The following MACROD1 variants were observed in gnomAD, a reference collection of about 807,000 sequenced individuals.
The protein encoded by MACROD1 is ADP-ribose glycohydrolase MACROD1.
In MACROD1, 31 loss-of-function variants were observed where a neutral mutation model predicts 41.4. The ratio of observed to expected loss-of-function variants is 0.75; its 90% CI spans 0.56 to 1.01. The LOEUF is 1.01. MACROD1 is among the 50% of genes least tolerant of loss of function. The probability of loss-of-function intolerance (pLI) is 0.00; values close to 1 mark genes in which losing one functional copy is unlikely to be tolerated. For synonymous variants in MACROD1, 252 were observed against 203.4 expected, an observed-to-expected ratio of 1.24 and a Z score of -2.03; for missense variants, 473 against 460.0, an observed-to-expected ratio of 1.03 and a Z score of -0.26.
intron 4 of MACROD1, among the ~76,000 whole-genome samples, chr11:64,004,915 T>C (rs1220574616): frequency 6.6e-6 from 1 of 151,774 alleles, no homozygotes; most frequent in Non-Finnish European, 1.5e-5. Context: ...TGGGGAGCAC[T>C]GAGATATGCT....
At chr11:64,007,101 G>A (rs1346255390) in intron 4 of MACROD1, among the ~76,000 whole-genome samples, 1 of 152,134 alleles carries the variant, frequency 6.6e-6, no homozygotes, top group African/African-American at 2.4e-5. Flanking sequence ...ACTCTCTGGG[G>A]CTCCCTGCAG....
chr11:64,001,148 C>A, intron 4 of MACROD1: 1 of 450,360 alleles, frequency 2.2e-6, no homozygotes. Flanking sequence ...ATGGAGGAAA[C>A]GCTCCAGCAG....
Position 64,028,670 on chromosome 11 carries a change from T to C in MACROD1, c.518-13389A>G, listed in dbSNP as rs1392342878. ...GCGCCCCGCCCCCTGCCGCTGGCGC[T>C]GGCCCTCTTCCCCTCCCCCTCCTCC... On this transcript the variant is annotated intron_variant, in intron 3 of 10. Coordinates refer to ENST00000255681, the MANE Select transcript of MACROD1 (RefSeq NM_014067.4). 5.4e-5 allele frequency among the ~76,000 whole-genome samples: 8 copies of C among 149,172 alleles called. No individual in the cohort carries two copies. The East Asian group carries it at 1.4e-3, about 26-fold the overall frequency.
intron 3 of MACROD1, among the ~76,000 whole-genome samples, chr11:64,131,905 G>A (rs1257826873): frequency 6.6e-6 from 1 of 152,186 alleles, no homozygotes; most frequent in African/African-American, 2.4e-5. Flanking sequence ...GAGGAGGGGG[G>A]CAGGGGGAAC....
intron 3 of MACROD1, among the ~76,000 whole-genome samples, chr11:64,057,306 C>A (rs1943805382): frequency 6.6e-6 from 1 of 152,228 alleles, no homozygotes; most frequent in African/African-American, 2.4e-5. Flanking sequence ...TCCCTCTGCT[C>A]AGGCCGCAGG....
intron 3 of MACROD1, among the ~76,000 whole-genome samples, chr11:64,076,504 G>A (rs1318131892): frequency 6.6e-6 from 1 of 152,200 alleles, no homozygotes; most frequent in Non-Finnish European, 1.5e-5. Context: ...TGTCTCATCT[G>A]TGCCGGGCCC....
chr11:64,083,903 G>A (rs1021790811), intron 3 of MACROD1, among the ~76,000 whole-genome samples: 4 of 152,236 alleles, frequency 2.6e-5, no homozygotes, highest in Non-Finnish European at 4.4e-5. Context: ...GCAGGCGGGC[G>A]TGCGGCCGGC....
At chr11:64,127,969 A>C (rs1188544386) in intron 3 of MACROD1, among the ~76,000 whole-genome samples, 1 of 152,184 alleles carries the variant, frequency 6.6e-6, no homozygotes, top group Non-Finnish European at 1.5e-5. Flanking sequence ...ACAAGAACTC[A>C]TTACTTCTGC....
At chr11:64,004,174 C>T (rs1942871697) in intron 4 of MACROD1, among the ~76,000 whole-genome samples, 1 of 152,198 alleles carries the variant, frequency 6.6e-6, no homozygotes, top group African/African-American at 2.4e-5. Flanking sequence ...CAGCATTCAG[C>T]CCAGCATCTG....
chr11:64,154,417 C>A (rs1422479046), intron 1 of MACROD1, among the ~76,000 whole-genome samples: 3 of 152,178 alleles, frequency 2.0e-5, no homozygotes, highest in Non-Finnish European at 4.4e-5. Context: ...CAGGACTGAG[C>A]CTTCCTCATG....
intron 3 of MACROD1, among the ~76,000 whole-genome samples, chr11:64,111,638 G>A (rs1193304347): frequency 6.6e-6 from 1 of 152,182 alleles, no homozygotes; most frequent in East Asian, 1.9e-4. Context: ...GGCAACCTCT[G>A]CACCCTTGCC....
intron 3 of MACROD1, among the ~76,000 whole-genome samples, chr11:64,059,760 C>T (rs948419165): frequency 1.3e-5 from 2 of 152,216 alleles, no homozygotes; most frequent in South Asian, 4.1e-4. Context: ...CCTCTGAGTC[C>T]GGGTCTATTC....
rs1293276831 is a variant in MACROD1 at position 64,146,096 on chromosome 11, G to A, written c.517+5143C>T. Among the ~76,000 whole-genome samples the A allele has an allele frequency of 2.0e-5, 3 of 152,176 alleles. No homozygotes were observed. Among genetic ancestry groups the A allele is most frequent in the African/African-American group, 4.8e-5 (2 of 41,452 alleles). On this transcript the variant is annotated intron_variant, in intron 3 of 10. Transcript: ENST00000255681. This position sits in a 1 kb window ranked among gnomAD's most constrained non-coding sequence, Gnocchi z 4.7. The stretch of plus-strand genomic sequence containing the variant: ...AGAATGGGGATCTTTCTTTGTGCCC[G>A]GACATGTCCTGCCCAGGACTCTGCT...
At chr11:64,142,945 G>A (rs11604083) in intron 3 of MACROD1, among the ~76,000 whole-genome samples, 16,805 of 151,980 alleles carry the variant, frequency 0.11, 1,171 homozygotes, top group Non-Finnish European at 0.16. Flanking sequence ...GCGAGACCTC[G>A]TCTCTACAAA....
At chr11:64,058,064 C>G (rs1025372774) in intron 3 of MACROD1, among the ~76,000 whole-genome samples, 8 of 152,264 alleles carry the variant, frequency 5.3e-5, no homozygotes, top group African/African-American at 1.7e-4. Context: ...CGACACTGGG[C>G]TGCGCTAGGA....
chr11:64,004,000 G>A (rs1590790422), intron 4 of MACROD1, among the ~76,000 whole-genome samples: 2 of 152,322 alleles, frequency 1.3e-5, no homozygotes, highest in East Asian at 1.9e-4. Context: ...CGTTCCTCAG[G>A]CCGCTCCTCA....
At chr11:64,012,965 T>C (rs573635639) in intron 4 of MACROD1, among the ~76,000 whole-genome samples, 1 of 152,058 alleles carries the variant, frequency 6.6e-6, no homozygotes, top group African/African-American at 2.4e-5. Flanking sequence ...CCTCCCAAGC[T>C]ATGACTACAG....
chr11:64,135,310 C>T (rs1034924867), intron 3 of MACROD1, among the ~76,000 whole-genome samples: 5 of 152,234 alleles, frequency 3.3e-5, no homozygotes, highest in East Asian at 1.9e-4. Context: ...GGCCCCCTCC[C>T]GGTCCTGGCA....
At chr11:64,107,711 G>T (rs1453599693) in intron 3 of MACROD1, among the ~76,000 whole-genome samples, 1 of 152,196 alleles carries the variant, frequency 6.6e-6, no homozygotes, top group Non-Finnish European at 1.5e-5. Flanking sequence ...CAGGGTGATG[G>T]GTGTGGCTGG....
Sources: allele counts gnomAD v4.1 joint callset (sites outside exome capture counted in the v4.1 genomes callset), GRCh38; gene constraint gnomAD v4.1.1; non-coding constraint Gnocchi (gnomAD v3.1); transcripts MANE v1.5; gene names NCBI Gene and HGNC (gene_info 2026-07-23, HGNC 2026-07-21).